Variants in TAAR1 observed in about 807,000 individuals in gnomAD.
TAAR1 encodes trace amine-associated receptor 1.
Under a neutral mutation model 1.2 loss-of-function variants are expected in TAAR1, and 1 was observed. That is an observed-to-expected ratio of 0.81 (90% CI 0.29 to 3.86). The LOEUF (loss-of-function observed/expected upper bound fraction) is 3.86. Among genes scored for constraint, TAAR1 ranks in the 30% most tolerant of loss-of-function variants. The probability of loss-of-function intolerance (pLI) is 0.18; values close to 1 mark genes in which losing one functional copy is unlikely to be tolerated. For synonymous variants in TAAR1, 153 were observed against 132.2 expected (o/e 1.16, Z -1.08); for missense variants, 445 against 405.6 (o/e 1.10, Z -0.83).
intron 1 of TAAR1, among the ~76,000 whole-genome samples, chr6:132,646,338 G>A (rs1341752078): frequency 6.6e-6 from 1 of 152,104 alleles, no homozygotes; most frequent in East Asian, 1.9e-4. Flanking sequence ...TTATTAGGTT[G>A]AACTATATGA....
At chr6:132,655,273 G>C (rs1777791987) in intron 1 of TAAR1, among the ~76,000 whole-genome samples, 3 of 151,506 alleles carry the variant, frequency 2.0e-5, no homozygotes, top group Admixed American at 1.3e-4. Context: ...AATTATAAAA[G>C]AGAATAATCA....
In TAAR1 at chr6:132,645,402, A is replaced by G; in HGVS notation, c.602T>C (p.Ile201Thr). 1.2e-6 allele frequency: 2 copies of G among 1,613,688 alleles called. No individual in the cohort carries two copies. The highest frequency in any genetic ancestry group is 1.7e-6 in the Non-Finnish European group (2 of 1,179,794). The stretch of plus-strand genomic sequence containing the variant: ...GACACATAACATAATAGATCCAGGT[A>G]TATAAAAAGAAGTCATAAAGGTCAG... ...GVLTFMTSFY[I>T]PGSIMLCVYY... Residue 201 changes from isoleucine to threonine, a missense_variant, in exon 2 of 2, where the codon ATA (isoleucine) becomes ACA (threonine). By Grantham distance (89) the Ile-to-Thr change is moderately conservative. Coordinates refer to ENST00000275216, the MANE Select transcript of TAAR1 (RefSeq NM_138327.4).
intron 1 of TAAR1, among the ~76,000 whole-genome samples, chr6:132,647,678 A>AAGAG (rs1777701303): frequency 6.6e-6 from 1 of 151,262 alleles, no homozygotes; most frequent in Admixed American, 6.6e-5. Flanking sequence ...GAAAGAAAGA[A>AAGAG]AGAAGAAAGA....
At chr6:132,647,396 A>T (rs988371162) in intron 1 of TAAR1, among the ~76,000 whole-genome samples, 2 of 147,732 alleles carry the variant, frequency 1.4e-5, no homozygotes, top group South Asian at 4.4e-4. Context: ...ACACACACAT[A>T]TATAACACAT....
At chr6:132,656,105 T>C (rs150654987) in intron 1 of TAAR1, among the ~76,000 whole-genome samples, 1 of 152,172 alleles carries the variant, frequency 6.6e-6, no homozygotes, top group Non-Finnish European at 1.5e-5. Flanking sequence ...TCACTGGTCC[T>C]GTGACCTTGA....
At chr6:132,648,921 A>G (rs566468322) in intron 1 of TAAR1, among the ~76,000 whole-genome samples, 2 of 152,294 alleles carry the variant, frequency 1.3e-5, no homozygotes, top group South Asian at 2.1e-4. Flanking sequence ...TAAATGATCT[A>G]ATCATCTAAT....
Position 132,645,753 on chromosome 6 carries a change from G to T in TAAR1, c.251C>A (p.Ser84Tyr). The T allele has an allele frequency of 6.2e-7, 1 of 1,613,770 alleles. No homozygotes were observed. The change falls in exon 2 of 2, where the codon TCT (serine) becomes TAT (tyrosine). Residue 84 changes from serine to tyrosine, a missense_variant. By Grantham distance (144) the Ser-to-Tyr change is moderately radical. Coordinates refer to ENST00000275216, the MANE Select transcript of TAAR1 (RefSeq NM_138327.4). ...CLVMPYSMVR[S>Y]AEHCWYFGEV... ...TCCAAAATACCAACAGTGCTCAGCAGATCTCACCATACTGTAAGGCATGAC... is the reference window on the plus strand; with the variant it reads ...TCCAAAATACCAACAGTGCTCAGCATATCTCACCATACTGTAAGGCATGAC...
intron 1 of TAAR1, among the ~76,000 whole-genome samples, 78 bp downstream of exon 1, chr6:132,659,052 C>T (rs1178788579): frequency 1.5e-5 from 2 of 134,878 alleles, no homozygotes; most frequent in East Asian, 4.1e-4. Context: ...CTTTAGCATT[C>T]TTCCTGTAAA....
At chr6:132,655,684 T>G (rs1038294632) in intron 1 of TAAR1, among the ~76,000 whole-genome samples, 1 of 152,166 alleles carries the variant, frequency 6.6e-6, no homozygotes, top group African/African-American at 2.4e-5. Context: ...CTCCGATTGC[T>G]GCCTTGAGAA....
intron 1 of TAAR1, among the ~76,000 whole-genome samples, chr6:132,647,879 A>C (rs118140427): frequency 0.03 from 4,577 of 152,166 alleles, 107 homozygotes; most frequent in Non-Finnish European, 0.042. Flanking sequence ...TTAGAATGAG[A>C]GAAATGCAAT....
chr6:132,649,214 T>C (rs757142871), intron 1 of TAAR1, among the ~76,000 whole-genome samples: 4 of 152,196 alleles, frequency 2.6e-5, no homozygotes, highest in Non-Finnish European at 4.4e-5. Flanking sequence ...TGGGGACTCA[T>C]GGTCTTTATT....
At chr6:132,655,295 T>G (rs1403967797) in intron 1 of TAAR1, among the ~76,000 whole-genome samples, 1 of 151,678 alleles carries the variant, frequency 6.6e-6, no homozygotes, top group Admixed American at 6.6e-5. Context: ...AACTAAAGAC[T>G]GAATCACGGA....
Position 132,645,512 on chromosome 6 carries a change from G to T in TAAR1, c.492C>A (p.Asn164Lys). ...FAFGMIFLEL[N>K]FKGAEEIYYK... ...AATATATCTCTTCAGCGCCTTTGAA[G>T]TTTAGCTCCAGAAAGATCATTCCAA... The change falls in exon 2 of 2, where the codon AAC becomes AAA. Residue 164 changes from asparagine (N) to lysine (K), a missense_variant. By Grantham distance (94) the Asn-to-Lys change is moderately conservative. Transcript: ENST00000275216. 1.2e-6 allele frequency: 2 copies of T among 1,613,704 alleles called. No homozygotes were observed. The highest frequency in any genetic ancestry group is 1.7e-6 in the Non-Finnish European group (2 of 1,179,828).
chr6:132,650,076 A>G (rs1777734085), intron 1 of TAAR1, among the ~76,000 whole-genome samples: 1 of 152,098 alleles, frequency 6.6e-6, no homozygotes, highest in Non-Finnish European at 1.5e-5. Flanking sequence ...CTCACCTTCC[A>G]TGGTCATATC....
intron 1 of TAAR1, among the ~76,000 whole-genome samples, chr6:132,654,364 G>C (rs537782765): frequency 8.5e-5 from 13 of 152,292 alleles, no homozygotes; most frequent in Middle Eastern, 3.4e-3. Context: ...TCTATGTCAT[G>C]TTCTTATTTA....
intron 1 of TAAR1, among the ~76,000 whole-genome samples, chr6:132,655,403 A>AC: frequency 6.8e-6 from 1 of 147,584 alleles, no homozygotes. Context: ...TTTTTGAAAC[A>AC]AGGTCTTGCT....
At chr6:132,652,275 T>A (rs973774614) in intron 1 of TAAR1, among the ~76,000 whole-genome samples, 36 of 150,268 alleles carry the variant, frequency 2.4e-4, no homozygotes, top group Admixed American at 8.0e-4. Context: ...GGTAAAAGTG[T>A]AAATAAAGCT....
At chr6:132,651,093 T>C (rs1205660437) in intron 1 of TAAR1, among the ~76,000 whole-genome samples, 1 of 152,164 alleles carries the variant, frequency 6.6e-6, no homozygotes, top group Non-Finnish European at 1.5e-5. Context: ...AGGCCTCAAG[T>C]TCTTGCTTGG....
intron 1 of TAAR1, among the ~76,000 whole-genome samples, chr6:132,647,327 T>G (rs1777683918): frequency 6.7e-6 from 1 of 149,538 alleles, no homozygotes; most frequent in African/African-American, 2.5e-5. Context: ...CTGAGCTAAA[T>G]TCTAGAACTT....
Sources: gnomAD v4.1 joint callset for allele counts (sites outside exome capture counted in the v4.1 genomes callset) on GRCh38, gnomAD v4.1.1 for gene constraint, MANE v1.5 for transcripts, NCBI Gene and HGNC (gene_info 2026-07-23, HGNC 2026-07-21) for gene names.